EFNA5: variants seen among roughly 807,000 people sequenced by gnomAD.
EFNA5 encodes the protein ephrin A5.
EFNA5 carries 5 observed loss-of-function variants against 22.9 expected under a neutral mutation model. The ratio of observed to expected loss-of-function variants is 0.22; its 90% CI spans 0.11 to 0.46. The LOEUF is 0.46. Among genes scored for constraint, EFNA5 ranks in the 20% least tolerant of loss-of-function variants. EFNA5 has a pLI of 0.99. For missense variants in EFNA5, 237 were observed against 293.3 expected, an observed-to-expected ratio of 0.81 and a Z score of 1.40; for synonymous variants, 113 against 112.2, an observed-to-expected ratio of 1.01 and a Z score of -0.04.
At chr5:107,614,974 T>G (rs1474777882) in intron 1 of EFNA5, among the ~76,000 whole-genome samples, 1 of 152,166 alleles carries the variant, frequency 6.6e-6, no homozygotes, top group Non-Finnish European at 1.5e-5. Context: ...CTTGTTCTAT[T>G]TTAAACAAAT....
chr5:107,433,042 CAT>C (rs1749004794), intron 1 of EFNA5, among the ~76,000 whole-genome samples: 1 of 152,164 alleles, frequency 6.6e-6, no homozygotes, highest in African/African-American at 2.4e-5. Context: ...ATATGTTTAA[CAT>C]AGAAAATATG....
Position 107,451,893 on chromosome 5 carries a change from T to C in EFNA5, c.126-24384A>G, listed in dbSNP as rs190488243. Among the ~76,000 whole-genome samples the C allele has an allele frequency of 3.9e-3, 598 of 152,318 alleles. 1 individual carries two copies. Among genetic ancestry groups the C allele is most frequent in the Non-Finnish European group, 6.9e-3 (469 of 68,030 alleles). Reference sequence around the variant, plus strand: ...TACTGGGTATATACCCAAAGGGATATAAATCATTCTACTATAAAGACACAT... The same window carrying C: ...TACTGGGTATATACCCAAAGGGATACAAATCATTCTACTATAAAGACACAT... On this transcript the variant is annotated intron_variant, in intron 1 of 4. Coordinates refer to ENST00000333274, the MANE Select transcript of EFNA5 (RefSeq NM_001962.3).
chr5:107,397,305 C>G (rs1440831564), intron 2 of EFNA5, among the ~76,000 whole-genome samples: 15 of 151,948 alleles, frequency 9.9e-5, no homozygotes, highest in Admixed American at 9.8e-4. Flanking sequence ...AATCCCAACA[C>G]TTTGGGAGGC....
chr5:107,433,633 T>G lies in EFNA5; in HGVS notation c.126-6124A>C, dbSNP rs574827907. On this transcript the variant is annotated intron_variant, in intron 1 of 4. Coordinates refer to ENST00000333274, the MANE Select transcript of EFNA5 (RefSeq NM_001962.3). ...CTCCCTTGCTGAGCATGGTGGCTGA[T>G]GCCTGTAATCCTAGGACTTTGGGAA... 3.3e-5 allele frequency among the ~76,000 whole-genome samples: 5 copies of G among 152,330 alleles called. No individual in the cohort carries two copies. In the South Asian group the frequency reaches 6.2e-4, roughly 19 times the overall value.
At chr5:107,485,279 G>C (rs1294668895) in intron 1 of EFNA5, among the ~76,000 whole-genome samples, 1 of 152,112 alleles carries the variant, frequency 6.6e-6, no homozygotes, top group Non-Finnish European at 1.5e-5. Context: ...TTCCCTCTTA[G>C]CTATGAAGAA....
At chr5:107,559,909 T>C (rs114247725) in intron 1 of EFNA5, among the ~76,000 whole-genome samples, 2 of 152,188 alleles carry the variant, frequency 1.3e-5, no homozygotes, top group African/African-American at 2.4e-5. Context: ...TGAATATACT[T>C]TGAAACAAGG....
intron 1 of EFNA5, among the ~76,000 whole-genome samples, chr5:107,476,057 T>TATATATATATATATATATATA: frequency 2.2e-4 from 22 of 100,316 alleles, no homozygotes; most frequent in South Asian, 9.4e-4. Context: ...TATATATATA[T>TATATATATATATATATATATA]TTTTTTTTTT....
intron 1 of EFNA5, among the ~76,000 whole-genome samples, chr5:107,501,087 T>C (rs1474714392): frequency 1.3e-5 from 2 of 152,204 alleles, no homozygotes; most frequent in Admixed American, 6.5e-5. Context: ...GGACATATTG[T>C]GTGCATAGTA....
intron 1 of EFNA5, among the ~76,000 whole-genome samples, chr5:107,517,653 C>A (rs1366576243): frequency 6.6e-6 from 1 of 152,172 alleles, no homozygotes; most frequent in Non-Finnish European, 1.5e-5. Flanking sequence ...AATTGCGCTG[C>A]ATTATGTCTG....
At chr5:107,474,810 C>G (rs116735588) in intron 1 of EFNA5, among the ~76,000 whole-genome samples, 1 of 151,884 alleles carries the variant, frequency 6.6e-6, no homozygotes, top group African/African-American at 2.4e-5. Flanking sequence ...GAAGAAGCCC[C>G]GAAGATCTAA....
intron 1 of EFNA5, among the ~76,000 whole-genome samples, chr5:107,482,926 A>T (rs1478333817): frequency 2.0e-5 from 3 of 151,178 alleles, no homozygotes. Context: ...ACACACACAC[A>T]TACATATGAC....
chr5:107,495,295 G>A (rs952177218), intron 1 of EFNA5, among the ~76,000 whole-genome samples: 9 of 152,190 alleles, frequency 5.9e-5, no homozygotes, highest in African/African-American at 2.2e-4. Flanking sequence ...AACTCCAGAC[G>A]AGCCGCCTTA....
At chr5:107,646,390 G>C (rs1350232616) in intron 1 of EFNA5, among the ~76,000 whole-genome samples, 12 of 151,988 alleles carry the variant, frequency 7.9e-5, no homozygotes, top group Admixed American at 7.2e-4. Context: ...ATGCTTAAAG[G>C]CATTATCATT....
chr5:107,457,633 A>G (rs1005160310), intron 1 of EFNA5, among the ~76,000 whole-genome samples: 3 of 152,152 alleles, frequency 2.0e-5, no homozygotes, highest in Admixed American at 2.0e-4. Context: ...TGTGGCACCC[A>G]TGTATAAGGA....
At chr5:107,400,635 A>C (rs1006240855) in intron 2 of EFNA5, among the ~76,000 whole-genome samples, 14 of 152,360 alleles carry the variant, frequency 9.2e-5, no homozygotes, top group Non-Finnish European at 1.8e-4. Flanking sequence ...TGCTTGGCAC[A>C]AAGGAGGTAC....
At position 107,377,355 on chromosome 5, in the gene EFNA5, G is replaced by C. The variant is rs1391678094; in HGVS notation, c.*3900C>G. The C allele has an allele frequency of 6.6e-6, 1 of 151,778 alleles. No individual in the cohort carries two copies. Among genetic ancestry groups the C allele is most frequent in the Non-Finnish European group, 1.5e-5 (1 of 68,004 alleles). The allele number at this position is 151,778 out of a possible 1,614,324, so 9.4% of individuals were successfully genotyped here. A position where few individuals can be genotyped will look rare whatever the true frequency, so the allele number is the denominator to read the frequency against. On this transcript the variant is annotated 3_prime_UTR_variant, in exon 5 of 5. Transcript: ENST00000333274. ...GACCTGCCCATTCACAGCTCTGAGG[G>C]GAAATAAAACGTGGGAGGAAGGCAA...
chr5:107,670,780 G>T lies in EFNA5; in HGVS notation c.-167C>A. ...AGGAAAGAGGCGCCCACCAAGCTGG[G>T]GAGGGGTAGGAGAGCGAGAAGAAAA... On this transcript the variant is annotated 5_prime_UTR_variant, in exon 1 of 5. Transcript: ENST00000333274. 1 of 881,406 alleles carries T rather than the reference G, an allele frequency of 1.1e-6. No individual in the cohort carries two copies. The highest frequency in any genetic ancestry group is 1.7e-6 in the Non-Finnish European group (1 of 591,506). 54.6% of individuals were successfully genotyped at this position (881,406 alleles called of 1,614,324 possible). A position where few individuals can be genotyped will look rare whatever the true frequency, so the allele number is the denominator to read the frequency against.
At chr5:107,435,045 G>T (rs1749070131) in intron 1 of EFNA5, among the ~76,000 whole-genome samples, 3 of 152,190 alleles carry the variant, frequency 2.0e-5, no homozygotes, top group African/African-American at 7.2e-5. Flanking sequence ...TATCTTGGGA[G>T]CACTGTCTTC....
At chr5:107,638,711 G>A (rs761266128) in intron 1 of EFNA5, among the ~76,000 whole-genome samples, 1 of 152,094 alleles carries the variant, frequency 6.6e-6, no homozygotes, top group Non-Finnish European at 1.5e-5. Context: ...TTGACCATCT[G>A]AGGACTTTGG....
Sources: gnomAD v4.1 joint callset for allele counts (sites outside exome capture counted in the v4.1 genomes callset) on GRCh38, gnomAD v4.1.1 for gene constraint, MANE v1.5 for transcripts, NCBI Gene and HGNC (gene_info 2026-07-23, HGNC 2026-07-21) for gene names.